Variants in CMTR1 observed in about 807,000 individuals in gnomAD.
CMTR1 encodes cap-specific mRNA (nucleoside-2'-O-)-methyltransferase 1.
CMTR1 carries 39 observed loss-of-function variants against 107.0 expected under a neutral mutation model. The observed-to-expected ratio is 0.36, with a 90% confidence interval of 0.28 to 0.48. CMTR1 has a LOEUF of 0.48. CMTR1 is among the 20% of genes least tolerant of loss of function. The pLI is 0.99. For missense variants in CMTR1, 672 were observed against 1,064.9 expected (o/e 0.63, Z 5.14); for synonymous variants, 366 against 379.5 (o/e 0.96, Z 0.41).
At chr6:37,479,081 T>G (rs1258429285) in intron 22 of CMTR1, 66 bp from the exon 23 acceptor site, 1 of 1,119,624 alleles carries the variant, frequency 8.9e-7, no homozygotes, top group Non-Finnish European at 1.4e-6. Context: ...TGGAGGAAGG[T>G]ACACGCCTGT....
rs1394057593 is a variant in CMTR1 at position 37,480,728 on chromosome 6, C to T, written c.*583C>T. The T allele has an allele frequency of 1.9e-6, 2 of 1,038,158 alleles. No homozygotes were observed. The highest frequency in any genetic ancestry group is 3.5e-5 in the African/African-American group (2 of 57,850). 64.3% of individuals were successfully genotyped at this position (1,038,158 alleles called of 1,614,324 possible). On this transcript the variant is annotated 3_prime_UTR_variant, in exon 24 of 24. Transcript: ENST00000373451. ...CTTCCCCCACTCATCCTGGCCTTCC[C>T]TGGAGTTCTTCCTAGCCCAGAGCTC... is the stretch of plus-strand genomic sequence containing the variant.
chr6:37,470,827 TC>T (rs1761608038), intron 13 of CMTR1, among the ~76,000 whole-genome samples, 193 bp from the exon 14 acceptor site: 2 of 152,180 alleles, frequency 1.3e-5, no homozygotes. Context: ...GACCCAGTTT[TC>T]CTGTTCTACC....
chr6:37,453,310 G>A lies in CMTR1; in HGVS notation c.775G>A (p.Gly259Arg), dbSNP rs1761224448. 3.1e-6 allele frequency: 5 copies of A among 1,613,992 alleles called. No homozygotes were observed. Among genetic ancestry groups the A allele is most frequent in the Non-Finnish European group, 4.2e-6 (5 of 1,179,858 alleles). Residue 259 changes from glycine (G) to arginine (R), a missense_variant and splice_region_variant, in exon 8 of 24, where the codon GGG becomes AGG. Gly to Arg is a moderately radical substitution (Grantham distance 125, BLOSUM62 -2). Transcript: ENST00000373451. ...GTTCACAAATCCGCGGGACTCTTAT[G>A]GGGTGAGAACAAGATTCTGCTTCTG... is the stretch of plus-strand genomic sequence containing the variant. ...RMFTNPRDSY[G>R]KPLVKDREAE... is the part of the protein sequence containing the mutation.
chr6:37,444,062 CTT>C lies in CMTR1; in HGVS notation c.200_201del (p.Phe67Ter). ...GAGGGGAAACAACACAGCTCTGACT[CTT>C]TTGACGATGCATTCAAAGCAGACTC... On this transcript the variant is annotated frameshift_variant, in exon 3 of 24. Transcript: ENST00000373451. LOFTEE classifies it high-confidence loss of function. 1 of 1,614,192 alleles carries C rather than the reference CTT, an allele frequency of 6.2e-7. No individual in the cohort carries two copies. Among genetic ancestry groups the C allele is most frequent in the East Asian group, 2.2e-5 (1 of 44,890 alleles).
intron 4 of CMTR1, among the ~76,000 whole-genome samples, chr6:37,446,925 A>G (rs1771811261): frequency 1.3e-5 from 2 of 152,182 alleles, no homozygotes; most frequent in Admixed American, 1.3e-4. Flanking sequence ...TTTATGCCAC[A>G]TTGCTTTTCT....
In CMTR1 at chr6:37,463,022, C is replaced by A; in HGVS notation, c.1505+14C>A. On this transcript the variant is annotated intron_variant, in intron 13 of 23. Transcript: ENST00000373451. ...GTCCAATGAGAGGTAAGCCAACGGG[C>A]TGGTTTTTGCTGGTAACACTGAGGT... is the stretch of plus-strand genomic sequence containing the variant. The A allele has an allele frequency of 6.2e-7, 1 of 1,611,398 alleles. No homozygotes were observed. The highest frequency in any genetic ancestry group is 1.1e-5 in the South Asian group (1 of 90,976).
intron 13 of CMTR1, among the ~76,000 whole-genome samples, chr6:37,469,162 CA>C (rs1761572699): frequency 6.6e-6 from 1 of 151,866 alleles, no homozygotes; most frequent in South Asian, 2.1e-4. Context: ...AAAAACAAAA[CA>C]AAAAACTATT....
intron 22 of CMTR1, 50 bp from the exon 23 acceptor site, chr6:37,479,097 A>G (rs1329988907): frequency 2.2e-6 from 3 of 1,353,498 alleles, no homozygotes; most frequent in South Asian, 1.2e-5. Context: ...CCTGTCCTCC[A>G]CAAGTGCTTT....
At chr6:37,425,916 T>C in the CMTR1 span, among the ~76,000 whole-genome samples, 1 of 152,222 alleles carries the variant, frequency 6.6e-6, no homozygotes, top group Admixed American at 6.5e-5. Context: ...ACAATGCATA[T>C]GTTGGTCTGC....
At chr6:37,433,979 C>T (rs1562113704) in intron 1 of CMTR1, among the ~76,000 whole-genome samples, 1 of 152,148 alleles carries the variant, frequency 6.6e-6, no homozygotes, top group African/African-American at 2.4e-5. Context: ...TTCAACAGTC[C>T]GCTTTGAGTT....
intron 2 of CMTR1, among the ~76,000 whole-genome samples, chr6:37,437,704 G>T (rs1771569629): frequency 5.9e-5 from 9 of 152,136 alleles, no homozygotes; most frequent in Admixed American, 5.9e-4. Context: ...GCACGCGATG[G>T]TTCTGGAGAT....
In CMTR1 at chr6:37,458,645, C is replaced by G; in HGVS notation, c.811C>G (p.Leu271Val). ...PLVKDREAEL[L>V]YFADVCAGPG... is the part of the protein sequence containing the mutation. Reference sequence around the variant, plus strand: ...GGTGAAGGACCGGGAAGCTGAGCTTCTGTACTTTGCTGATGTCTGCGCAGG... The same window carrying G: ...GGTGAAGGACCGGGAAGCTGAGCTTGTGTACTTTGCTGATGTCTGCGCAGG... Residue 271 changes from leucine (L) to valine (V), a missense_variant, in exon 9 of 24, where the codon CTG becomes GTG. Physicochemically the swap from Leu to Val is conservative, Grantham distance 32. Around this residue, in one of 2 missense-constraint regions of CMTR1, gnomAD observed 583 missense variants for 968.4 expected, o/e 0.60. Transcript: ENST00000373451. This position sits in a 1 kb window ranked among gnomAD's most constrained non-coding sequence, Gnocchi z 4.7. 1 of 1,613,886 alleles carries G rather than the reference C, an allele frequency of 6.2e-7. No homozygotes were observed. Among genetic ancestry groups the G allele is most frequent in the Non-Finnish European group, 8.5e-7 (1 of 1,180,036 alleles).
In CMTR1 at chr6:37,435,719, G is replaced by T; in HGVS notation, c.90G>T (p.Thr30=). 1 of 1,602,082 alleles carries T rather than the reference G, an allele frequency of 6.2e-7. No homozygotes were observed. The highest frequency in any genetic ancestry group is 1.7e-5 in the Admixed American group (1 of 57,248). ...AGCTTGCCCTGAGCCTCAGCTCCAC[G>T]TCCGATGATGAACCTCCCTCCTCTG... The part of the protein sequence containing the change: ...VAELALSLSS[T]SDDEPPSSVS... Residue 30 remains threonine, a synonymous_variant, in exon 2 of 24, where the codon ACG becomes ACT. Transcript: ENST00000373451.
rs1002744661 is a variant in CMTR1, at chr6:37,480,437, G to T, written c.*292G>T. ...TGAGGTCAGTGCCTAGGGCACGTGG[G>T]ACTGATGGAGGACATATCAGAGTGG... On this transcript the variant is annotated 3_prime_UTR_variant, in exon 24 of 24. Coordinates refer to ENST00000373451, the MANE Select transcript of CMTR1 (RefSeq NM_015050.3). 46 of 1,231,048 alleles carry T rather than the reference G, an allele frequency of 3.7e-5. No homozygotes were observed. The highest frequency in any genetic ancestry group is 1.0e-5 in the Non-Finnish European group (10 of 984,292). The allele number at this position is 1,231,048 out of a possible 1,614,324, so 76.3% of individuals were successfully genotyped here.
the CMTR1 span, among the ~76,000 whole-genome samples, chr6:37,425,877 A>G: frequency 6.6e-6 from 1 of 152,124 alleles, no homozygotes; most frequent in African/African-American, 2.4e-5. Flanking sequence ...TATTTCTTCA[A>G]ATATTCTCTC....
At position 37,465,372 on chromosome 6, in the gene CMTR1, A is replaced by G. The variant is rs559906921; in HGVS notation, c.1505+2364A>G. 9.9e-5 allele frequency among the ~76,000 whole-genome samples: 15 copies of G among 152,174 alleles called. No individual in the cohort carries two copies. The South Asian group carries it at 1.2e-3, about 13-fold the overall frequency. On this transcript the variant is annotated intron_variant, in intron 13 of 23. Transcript: ENST00000373451. ...AAGTTCTGATTACGTCTTTGTCAGCATTTGGTATTATCAGTCTTTTATTTT... is the reference window on the plus strand; with the variant it reads ...AAGTTCTGATTACGTCTTTGTCAGCGTTTGGTATTATCAGTCTTTTATTTT...
At chr6:37,471,774 A>G (rs1761632861) in intron 14 of CMTR1, 73 bp from the exon 15 acceptor site, 1 of 1,353,594 alleles carries the variant, frequency 7.4e-7, no homozygotes, top group Non-Finnish European at 1.1e-6. Context: ...TCTCTATGGG[A>G]TATGAGGGGT....
At chr6:37,464,620 A>G (rs556095909) in intron 13 of CMTR1, among the ~76,000 whole-genome samples, 1 of 151,928 alleles carries the variant, frequency 6.6e-6, no homozygotes, top group African/African-American at 2.4e-5. Context: ...TTTCCTCCTC[A>G]TGTTTTTGAG....
chr6:37,470,107 A>G (rs867078057), intron 13 of CMTR1, among the ~76,000 whole-genome samples: 1 of 151,490 alleles, frequency 6.6e-6, no homozygotes, highest in African/African-American at 2.4e-5. Flanking sequence ...TATAGTTTCT[A>G]TATCTTTGCT....
Sources: gnomAD v4.1 joint callset for allele counts (sites outside exome capture counted in the v4.1 genomes callset) on GRCh38, gnomAD v4.1.1 for gene constraint, gnomAD v4.1.1 regional missense constraint, Gnocchi (gnomAD v3.1) non-coding constraint, MANE v1.5 for transcripts, NCBI Gene and HGNC (gene_info 2026-07-23, HGNC 2026-07-21) for gene names.